Variants in TTC3 observed in about 807,000 individuals in gnomAD.
TTC3 encodes the protein E3 ubiquitin-protein ligase TTC3.
TTC3 carries 180 observed loss-of-function variants against 249.6 expected under a neutral mutation model. The observed-to-expected ratio is 0.72, with a 90% confidence interval of 0.64 to 0.82. The LOEUF (loss-of-function observed/expected upper bound fraction) is 0.82, where lower values mean the gene tolerates loss of function less well. Among genes scored for constraint, TTC3 ranks in the 40% least tolerant of loss-of-function variants. TTC3 has a pLI of 0.00. For synonymous variants in TTC3, 717 were observed against 805.0 expected, an observed-to-expected ratio of 0.89 and a Z score of 1.85; for missense variants, 2,061 against 2,398.4, an observed-to-expected ratio of 0.86 and a Z score of 2.94.
chr21:37,118,160 A>G (rs1028899010), intron 11 of TTC3, among the ~76,000 whole-genome samples: 2 of 151,944 alleles, frequency 1.3e-5, no homozygotes, highest in East Asian at 1.9e-4. Context: ...TTATTAAAGG[A>G]TAAACTTCAG....
At chr21:37,176,444 G>T (rs1213125575) in intron 35 of TTC3, among the ~76,000 whole-genome samples, 1 of 152,092 alleles carries the variant, frequency 6.6e-6, no homozygotes, top group East Asian at 1.9e-4. Context: ...TCAACATTAG[G>T]TCTTAAAACA....
Position 37,097,953 on chromosome 21 carries a change from G to C in TTC3, c.845+1310G>C, listed in dbSNP as rs777671795. On this transcript the variant is annotated intron_variant, in intron 10 of 45. Coordinates refer to ENST00000355666, the Ensembl canonical transcript of TTC3. ...GGTAGAAAATTTGGAAAATACAAGA[G>C]TTTAAAAAGAAGAAAATAAAAATCA... 5 of 713,396 alleles carry C rather than the reference G, an allele frequency of 7.0e-6. No individual in the cohort carries two copies. The South Asian group carries it at 7.5e-5, about 11-fold the overall frequency. 44.2% of individuals were successfully genotyped at this position (713,396 alleles called of 1,614,324 possible).
In TTC3 at chr21:37,108,451, G is replaced by T. The variant is rs200086847; in HGVS notation, c.900+5G>T. On this transcript the variant is annotated splice_donor_5th_base_variant and intron_variant, in intron 11 of 45. Transcript: ENST00000355666. ...CTGAAGAACACTTGGCCAAAGGTAG[G>T]TTTCTTCTGTATTTTATATTGAGCA... The T allele has an allele frequency of 2.0e-4, 322 of 1,612,006 alleles. No individual in the cohort carries two copies. Among genetic ancestry groups the T allele is most frequent in the Middle Eastern group, 9.9e-4 (6 of 6,046 alleles).
intron 28 of TTC3, chr21:37,158,270 C>T (rs1295538605): frequency 7.4e-6 from 7 of 944,312 alleles, no homozygotes; most frequent in Non-Finnish European, 8.8e-6. Context: ...CAAAACAAGA[C>T]AACTAAAAAG....
chr21:37,112,988 A>G (rs192149121), intron 11 of TTC3, among the ~76,000 whole-genome samples: 1 of 152,378 alleles, frequency 6.6e-6, no homozygotes, highest in Non-Finnish European at 1.5e-5. Flanking sequence ...ACAAAATTCA[A>G]CAACGCTTCA....
At chr21:37,149,662 T>G (rs574833282) in intron 23 of TTC3, among the ~76,000 whole-genome samples, 1 of 152,312 alleles carries the variant, frequency 6.6e-6, no homozygotes, top group African/African-American at 2.4e-5. Flanking sequence ...GTTCTGCAGT[T>G]GTTGGCTGGG....
chr21:37,087,683 G>T, intron 2 of TTC3, 150 bp from the exon 3 acceptor site: 1 of 747,724 alleles, frequency 1.3e-6, no homozygotes. Context: ...TGTAAAACGG[G>T]TCTCAAATTA....
Position 37,134,448 on chromosome 21 carries a change from C to CA in TTC3, c.1444-921dup, listed in dbSNP as rs79295622. ...TGGACGACAGAGCAAGACTCCATCT[C>CA]AAAAAAAAAAAGCCAGCAGAAGGCT... is the stretch of plus-strand genomic sequence containing the variant. On this transcript the variant is annotated intron_variant, in intron 17 of 45. Coordinates refer to ENST00000355666, the Ensembl canonical transcript of TTC3. Among the ~76,000 whole-genome samples the CA allele has an allele frequency of 4.7e-3, 677 of 142,702 alleles. 2 individuals are homozygous for CA. Among genetic ancestry groups the CA allele is most frequent in the Non-Finnish European group, 7.6e-3 (493 of 65,044 alleles). The allele number at this position is 142,702 out of a possible 152,430, so 93.6% of individuals were successfully genotyped here. A position where few individuals can be genotyped will look rare whatever the true frequency, so the allele number is the denominator to read the frequency against.
At chr21:37,153,205 C>G in exon 27 of TTC3, 1 of 1,614,168 alleles carries the variant, frequency 6.2e-7, no homozygotes, top group South Asian at 1.1e-5. Flanking sequence ...AAGAATATTT[C>G]TGCATGTTTT....
At chr21:37,091,306 T>C (rs1170773333) in exon 7 of TTC3, 1 of 1,608,566 alleles carries the variant, frequency 6.2e-7, no homozygotes, top group Admixed American at 1.7e-5. Context: ...ATCTTGGCAA[T>C]GGAAGAAGCT....
chr21:37,121,832 T>C, exon 12 of TTC3: 1 of 1,600,440 alleles, frequency 6.2e-7, no homozygotes, highest in Non-Finnish European at 8.5e-7. Context: ...TTATCGTTAT[T>C]GTGATGCTCT....
chr21:37,154,962 T>C (rs113223868), intron 27 of TTC3, among the ~76,000 whole-genome samples: 3,160 of 152,296 alleles, frequency 0.021, 102 homozygotes, highest in African/African-American at 0.072. Flanking sequence ...CCTAAAGTGC[T>C]GGGATTACAG....
intron 44 of TTC3, among the ~76,000 whole-genome samples, chr21:37,198,944 G>A (rs1023811554): frequency 1.3e-5 from 2 of 152,070 alleles, no homozygotes; most frequent in African/African-American, 4.8e-5. Context: ...CAAGTTAAGT[G>A]TATATTTTTT....
intron 39 of TTC3, among the ~76,000 whole-genome samples, chr21:37,188,883 A>T (rs1421206711): frequency 6.6e-6 from 1 of 152,358 alleles, no homozygotes; most frequent in Middle Eastern, 3.4e-3. Flanking sequence ...ATTTATTTTC[A>T]TATTGGTAAT....
intron 35 of TTC3, among the ~76,000 whole-genome samples, chr21:37,177,504 A>G (rs1037770573): frequency 3.3e-5 from 5 of 152,202 alleles, no homozygotes; most frequent in African/African-American, 1.2e-4. Context: ...GTAATTACCA[A>G]GAGCCTTCTG....
exon 33 of TTC3, chr21:37,165,703 T>C: frequency 1.2e-6 from 2 of 1,613,828 alleles, no homozygotes; most frequent in Non-Finnish European, 1.7e-6. Flanking sequence ...CTCGTTTTGT[T>C]GTGATTGACA....
intron 21 of TTC3, among the ~76,000 whole-genome samples, chr21:37,146,718 A>G (rs1450850898): frequency 6.6e-6 from 1 of 152,158 alleles, no homozygotes; most frequent in African/African-American, 2.4e-5. Flanking sequence ...ATGAGGAGGG[A>G]CTGCTAATGC....
chr21:37,087,860 A>C, exon 3 of TTC3: 1 of 1,598,622 alleles, frequency 6.3e-7, no homozygotes, highest in Non-Finnish European at 8.5e-7. Flanking sequence ...TTATATCCAA[A>C]GTGAGAGGAA....
chr21:37,126,456 T>C (rs569460180), intron 15 of TTC3, among the ~76,000 whole-genome samples: 1 of 152,302 alleles, frequency 6.6e-6, no homozygotes, highest in East Asian at 1.9e-4. Flanking sequence ...ATTGCCTCCC[T>C]TCCTCCCACC....
Sources: gnomAD v4.1 joint callset for allele counts (sites outside exome capture counted in the v4.1 genomes callset) on GRCh38, gnomAD v4.1.1 for gene constraint, MANE v1.5 for transcripts, NCBI Gene and HGNC (gene_info 2026-07-23, HGNC 2026-07-21) for gene names.